The following MARCHF1 variants were observed in gnomAD, a reference collection of about 807,000 sequenced individuals.
MARCHF1 encodes membrane associated ring-CH-type finger 1, also known as E3 ubiquitin-protein ligase MARCHF1.
Under a neutral mutation model 54.2 loss-of-function variants are expected in MARCHF1, and 40 were observed. The observed-to-expected ratio is 0.74, with a 90% CI of 0.57 to 0.96. The LOEUF (loss-of-function observed/expected upper bound fraction) is 0.96, where lower values mean the gene tolerates loss of function less well. MARCHF1 is among the 40% of genes least tolerant of loss of function. MARCHF1 has a pLI of 0.00. For missense variants in MARCHF1, 586 were observed against 656.5 expected (o/e 0.89, Z 1.17); for synonymous variants, 236 against 236.3 (o/e 1.00, Z 0.01).
intron 8 of MARCHF1, among the ~76,000 whole-genome samples, chr4:163,551,328 A>G (rs943501931): frequency 6.6e-6 from 1 of 152,240 alleles, no homozygotes; most frequent in Non-Finnish European, 1.5e-5. Context: ...CTGGGAGAGA[A>G]CTAAACAACA....
intron 4 of MARCHF1, among the ~76,000 whole-genome samples, chr4:163,813,770 G>A (rs574737637): frequency 3.3e-5 from 5 of 152,212 alleles, no homozygotes; most frequent in Admixed American, 6.5e-5. Flanking sequence ...AATTGTTTGC[G>A]GCCGATATGG....
At chr4:163,729,597 G>T (rs2111320398) in intron 4 of MARCHF1, among the ~76,000 whole-genome samples, 1 of 152,058 alleles carries the variant, frequency 6.6e-6, no homozygotes, top group South Asian at 2.1e-4. Context: ...TTTCTTTAAA[G>T]AAATTGATCC....
chr4:163,724,824 C>G (rs1473477541), intron 4 of MARCHF1, among the ~76,000 whole-genome samples: 2 of 152,152 alleles, frequency 1.3e-5, no homozygotes, highest in African/African-American at 4.8e-5. Context: ...GGGATATAAT[C>G]TCCTGGTGTG....
At chr4:163,696,641 A>G (rs767732151) in intron 5 of MARCHF1, among the ~76,000 whole-genome samples, 17 of 152,186 alleles carry the variant, frequency 1.1e-4, no homozygotes, top group Non-Finnish European at 2.2e-4. Context: ...TTCCATCTCA[A>G]AAACCCTTAC....
intron 4 of MARCHF1, among the ~76,000 whole-genome samples, chr4:163,809,522 C>A (rs1417734711): frequency 1.3e-5 from 2 of 152,054 alleles, no homozygotes; most frequent in African/African-American, 4.8e-5. Flanking sequence ...TTTGCTTCAC[C>A]CTCTACTATT....
At chr4:164,001,408 T>C (rs1053170323) in intron 2 of MARCHF1, among the ~76,000 whole-genome samples, 1 of 151,724 alleles carries the variant, frequency 6.6e-6, no homozygotes, top group African/African-American at 2.4e-5. Context: ...ACAAGATAAA[T>C]AGCACAGGAA....
At chr4:164,100,916 G>T (rs956791488) in intron 2 of MARCHF1, among the ~76,000 whole-genome samples, 1 of 152,160 alleles carries the variant, frequency 6.6e-6, no homozygotes, top group Non-Finnish European at 1.5e-5. Flanking sequence ...CACAGTGCGC[G>T]AGCCGAAGTA....
At chr4:164,255,629 T>C (rs1348518344) in intron 1 of MARCHF1, among the ~76,000 whole-genome samples, 1 of 151,878 alleles carries the variant, frequency 6.6e-6, no homozygotes, top group Non-Finnish European at 1.5e-5. Context: ...AAAAGTAATA[T>C]CAGACAAAAT....
Position 163,935,708 on chromosome 4 carries a change from T to C in MARCHF1, c.-39+52793A>G, listed in dbSNP as rs866188720. On this transcript the variant is annotated intron_variant, in intron 3 of 9. Coordinates refer to ENST00000514618, the MANE Select transcript of MARCHF1 (RefSeq NM_001394959.1). ...AGGCTGTTTTGCTTGCTTTCTTTTT[T>C]TTTTTTTTTTTTTTTTATTATACTT... 3.9e-3 allele frequency among the ~76,000 whole-genome samples: 562 copies of C among 145,410 alleles called. 17 individuals carry two copies. The South Asian group carries it at 0.082, about 21-fold the overall frequency.
chr4:163,707,639 G>GA (rs1744987103), intron 4 of MARCHF1, among the ~76,000 whole-genome samples: 1 of 151,572 alleles, frequency 6.6e-6, no homozygotes, highest in Admixed American at 6.6e-5. Flanking sequence ...CAATATCATT[G>GA]AAAAAACATC....
chr4:164,329,305 A>G lies in MARCHF1; in HGVS notation c.-323+54565T>C, dbSNP rs983924243. 3.9e-5 allele frequency among the ~76,000 whole-genome samples: 6 copies of G among 152,190 alleles called. No individual in the cohort carries two copies. The East Asian group carries it at 1.2e-3, about 29-fold the overall frequency. The stretch of plus-strand genomic sequence containing the variant: ...CTCTTCTGCTTAAAGTGTTAGAATA[A>G]TATGTATTTATATTACAATACAAGA... On this transcript the variant is annotated intron_variant, in intron 1 of 9. Transcript: ENST00000514618.
At chr4:164,304,642 T>G (rs1297410465) in intron 1 of MARCHF1, among the ~76,000 whole-genome samples, 1 of 152,208 alleles carries the variant, frequency 6.6e-6, no homozygotes, top group Non-Finnish European at 1.5e-5. Flanking sequence ...TGGCAGGACA[T>G]GTAACAAGAA....
intron 2 of MARCHF1, among the ~76,000 whole-genome samples, chr4:164,033,505 A>G (rs1011211819): frequency 6.6e-6 from 1 of 152,216 alleles, no homozygotes; most frequent in African/African-American, 2.4e-5. Flanking sequence ...AGAATGGGAG[A>G]AAATTTTTGC....
At chr4:163,891,694 C>T (rs1038230662) in intron 3 of MARCHF1, among the ~76,000 whole-genome samples, 1 of 152,120 alleles carries the variant, frequency 6.6e-6, no homozygotes, top group African/African-American at 2.4e-5. Flanking sequence ...TGGGAAGTAG[C>T]GGAGCGTTGA....
chr4:163,598,550 G>A (rs145924836), intron 7 of MARCHF1, among the ~76,000 whole-genome samples: 3 of 152,278 alleles, frequency 2.0e-5, no homozygotes, highest in African/African-American at 7.2e-5. Flanking sequence ...TGTACAACAT[G>A]TTACTGTACT....
intron 9 of MARCHF1, among the ~76,000 whole-genome samples, chr4:163,535,115 C>T (rs4234961): frequency 0.39 from 59,964 of 151,866 alleles, 12,968 homozygotes; most frequent in Admixed American, 0.53. Context: ...CTAAAGATTT[C>T]ACAGTATCGT....
At chr4:163,667,016 T>A (rs1451805874) in intron 5 of MARCHF1, among the ~76,000 whole-genome samples, 4 of 152,088 alleles carry the variant, frequency 2.6e-5, no homozygotes, top group African/African-American at 9.7e-5. Context: ...AGAAATTTTA[T>A]CAGCAAAAAA....
At chr4:164,248,859 T>C (rs1733040079) in intron 1 of MARCHF1, among the ~76,000 whole-genome samples, 1 of 152,022 alleles carries the variant, frequency 6.6e-6, no homozygotes, top group African/African-American at 2.4e-5. Context: ...CACTATACTG[T>C]TTCATATAAG....
intron 3 of MARCHF1, among the ~76,000 whole-genome samples, chr4:163,971,996 C>T (rs1255831644): frequency 1.3e-5 from 2 of 152,180 alleles, no homozygotes; most frequent in Admixed American, 6.5e-5. Flanking sequence ...GGCACATATA[C>T]ACCATAGAAT....
Sources: allele counts gnomAD v4.1 joint callset (sites outside exome capture counted in the v4.1 genomes callset), GRCh38; gene constraint gnomAD v4.1.1; transcripts MANE v1.5; gene names NCBI Gene and HGNC (gene_info 2026-07-23, HGNC 2026-07-21).